The following MSH3 variants were observed in gnomAD, a reference collection of about 807,000 sequenced individuals.
MSH3 encodes DNA mismatch repair protein Msh3.
MSH3 carries 106 observed loss-of-function variants against 123.3 expected under a neutral mutation model. The ratio of observed to expected loss-of-function variants is 0.86; its 90% CI spans 0.73 to 1.01. The LOEUF is 1.01. Among genes scored for constraint, MSH3 ranks in the 50% least tolerant of loss-of-function variants. The pLI, the probability that MSH3 is intolerant of heterozygous loss-of-function variation, is 0.00. For synonymous variants in MSH3, 515 were observed against 481.4 expected (o/e 1.07, Z -0.91); for missense variants, 1,459 against 1,347.6 (o/e 1.08, Z -1.29).
chr5:80,783,885 A>G (rs1269245267), intron 17 of MSH3, among the ~76,000 whole-genome samples: 1 of 152,154 alleles, frequency 6.6e-6, no homozygotes, highest in Non-Finnish European at 1.5e-5. Flanking sequence ...CATACGCCAC[A>G]GTGCAAGAGG....
At chr5:80,786,779 T>A (rs1744517285) in intron 17 of MSH3, among the ~76,000 whole-genome samples, 1 of 152,164 alleles carries the variant, frequency 6.6e-6, no homozygotes, top group South Asian at 2.1e-4. Flanking sequence ...TACTATGATA[T>A]GAGATAATGG....
chr5:80,744,685 C>G, intron 12 of MSH3, 70 bp downstream of exon 12: 1 of 1,069,648 alleles, frequency 9.3e-7, no homozygotes. Flanking sequence ...CATTTTAAAA[C>G]CAAGGTTACC....
At chr5:80,867,634 G>A (rs1746128816) in intron 22 of MSH3, among the ~76,000 whole-genome samples, 1 of 152,116 alleles carries the variant, frequency 6.6e-6, no homozygotes, top group Non-Finnish European at 1.5e-5. Context: ...TGTTGAATTA[G>A]GCTACTACTA....
intron 12 of MSH3, among the ~76,000 whole-genome samples, chr5:80,749,178 G>T (rs1190252809): frequency 6.6e-6 from 1 of 152,178 alleles, no homozygotes; most frequent in Non-Finnish European, 1.5e-5. Context: ...CCCACTGTAG[G>T]CTGTCTGCAC....
At chr5:80,799,552 G>A (rs1278012403) in intron 19 of MSH3, among the ~76,000 whole-genome samples, 1 of 81,708 alleles carries the variant, frequency 1.2e-5, no homozygotes, top group Non-Finnish European at 2.3e-5. Flanking sequence ...TAGCTTTTCA[G>A]GTCTTAGAAA....
At chr5:80,729,692 A>G (rs942989807) in intron 10 of MSH3, among the ~76,000 whole-genome samples, 4 of 152,130 alleles carry the variant, frequency 2.6e-5, no homozygotes. Context: ...AGCTTTTTAC[A>G]AGAGTGATTA....
In MSH3 at chr5:80,787,638, C is replaced by T. The variant is rs1580051153; in HGVS notation, c.2509C>T (p.Leu837=). The T allele has an allele frequency of 1.9e-6, 3 of 1,613,842 alleles. No homozygotes were observed. In the Middle Eastern group the frequency reaches 5.0e-4, roughly 266 times the overall value. ...AGCAACTGTTGACTGCATTTTCTCC[C>T]TGGCCAAGGTCGCTAAGCAAGGAGA... ...HLATVDCIFS[L]AKVAKQGDYC... Residue 837 remains leucine (L), a synonymous_variant, in exon 18 of 24, where the codon CTG becomes TTG. Transcript: ENST00000265081.
At chr5:80,871,546 T>G (rs1172366655) in intron 22 of MSH3, among the ~76,000 whole-genome samples, 3 of 152,124 alleles carry the variant, frequency 2.0e-5, no homozygotes, top group African/African-American at 7.2e-5. Context: ...TCCCAATATC[T>G]GCTTCCAAGC....
chr5:80,728,380 G>A (rs999319259), intron 9 of MSH3, among the ~76,000 whole-genome samples: 1 of 152,146 alleles, frequency 6.6e-6, no homozygotes, highest in African/African-American at 2.4e-5. Context: ...GCAGATAATT[G>A]GAAGTCATTC....
chr5:80,668,425 A>G (rs1483082334), intron 3 of MSH3, among the ~76,000 whole-genome samples: 1 of 152,106 alleles, frequency 6.6e-6, no homozygotes, highest in African/African-American at 2.4e-5. Flanking sequence ...TGTTTGTGCC[A>G]TGGGGCACCT....
chr5:80,710,996 A>G (rs1350729172), intron 8 of MSH3, among the ~76,000 whole-genome samples: 2 of 152,212 alleles, frequency 1.3e-5, no homozygotes, highest in African/African-American at 4.8e-5. Context: ...TTGCCAAGAC[A>G]GACTAGAATT....
At chr5:80,805,868 T>G (rs1239015561) in intron 19 of MSH3, among the ~76,000 whole-genome samples, 2 of 152,044 alleles carry the variant, frequency 1.3e-5, no homozygotes, top group African/African-American at 2.4e-5. Context: ...ATTACAGGCG[T>G]GGGACACCGC....
chr5:80,729,430 A>AAAAATG lies in MSH3; in HGVS notation c.1568+465_1568+466insAAAATG, dbSNP rs1491210653. On this transcript the variant is annotated intron_variant, in intron 10 of 23. Transcript: ENST00000265081. ...CTCCGTCCCAAAAAAAAAAAAAAAA[A>AAAAATG]TGTGTGTGTGTGTGTGTGTGTGTGT... Among the ~76,000 whole-genome samples, 66 of 78,356 alleles carry AAAAATG rather than the reference A, an allele frequency of 8.4e-4. 2 individuals are homozygous for AAAAATG. The highest frequency in any genetic ancestry group is 3.1e-3 in the African/African-American group (56 of 17,868). The allele number at this position is 78,356 out of a possible 152,430, so 51.4% of individuals were successfully genotyped here. A position where few individuals can be genotyped will look rare whatever the true frequency, so the allele number is the denominator to read the frequency against.
At position 80,744,513 on chromosome 5, in the gene MSH3, T is replaced by C. The variant is rs755514051; in HGVS notation, c.1661T>C (p.Met554Thr). The C allele has an allele frequency of 3.5e-5, 57 of 1,612,530 alleles. No homozygotes were observed. In the Admixed American group the frequency reaches 4.0e-4, roughly 11 times the overall value. ...TTTTCTGGTCTTTCTTAGACTGATA[T>C]GAAAACCAAAGGAAGTTTGCTGTGG... ...NLEILQNQTD[M>T]KTKGSLLWVL... The change falls in exon 12 of 24, where the codon ATG (methionine) becomes ACG (threonine). Residue 554 changes from methionine (M) to threonine (T), a missense_variant. Met to Thr is a moderately conservative substitution (Grantham distance 81). Transcript: ENST00000265081.
intron 20 of MSH3, among the ~76,000 whole-genome samples, chr5:80,818,418 A>AAAAAAGGT (rs1469056755): frequency 1.3e-5 from 2 of 150,806 alleles, no homozygotes; most frequent in African/African-American, 4.9e-5. Flanking sequence ...AAAAAAAAAA[A>AAAAAAGGT]AAAAGGTGGG....
At chr5:80,829,297 G>GTA (rs1745378739) in intron 20 of MSH3, among the ~76,000 whole-genome samples, 1 of 152,152 alleles carries the variant, frequency 6.6e-6, no homozygotes. Context: ...AGAGGTGACA[G>GTA]CTTCCTATTT....
At chr5:80,807,876 C>T (rs1278883906) in intron 19 of MSH3, among the ~76,000 whole-genome samples, 1 of 152,158 alleles carries the variant, frequency 6.6e-6, no homozygotes, top group Non-Finnish European at 1.5e-5. Flanking sequence ...TGGGAGGAAA[C>T]TGGAATACCC....
chr5:80,780,409 G>A (rs1744390178), intron 17 of MSH3, among the ~76,000 whole-genome samples: 1 of 152,178 alleles, frequency 6.6e-6, no homozygotes, highest in Non-Finnish European at 1.5e-5. Flanking sequence ...ACTTACAAAT[G>A]AATAAAGTGA....
At chr5:80,711,604 C>A (rs182972616) in intron 8 of MSH3, among the ~76,000 whole-genome samples, 2 of 152,180 alleles carry the variant, frequency 1.3e-5, no homozygotes, top group South Asian at 4.1e-4. Flanking sequence ...ATTTCCTTCT[C>A]TGGACAGCAG....
Sources: allele counts gnomAD v4.1 joint callset (sites outside exome capture counted in the v4.1 genomes callset), GRCh38; gene constraint gnomAD v4.1.1; transcripts MANE v1.5; gene names NCBI Gene and HGNC (gene_info 2026-07-23, HGNC 2026-07-21).